EPRS1: variants seen among roughly 807,000 people sequenced by gnomAD.
EPRS1 encodes the protein glutamyl-prolyl-tRNA synthetase 1, also known as bifunctional glutamate/proline--tRNA ligase.
Under a neutral mutation model 188.3 loss-of-function variants are expected in EPRS1, and 107 were observed. That is an observed-to-expected ratio of 0.57 (90% CI 0.49 to 0.67). EPRS1 has a LOEUF of 0.67. Ranked by LOEUF, EPRS1 falls within the 30% of genes least tolerant of loss-of-function variation. The pLI is 0.00. For missense variants in EPRS1, 1,577 were observed against 1,802.2 expected (o/e 0.88, Z 2.26); for synonymous variants, 596 against 593.1 (o/e 1.00, Z -0.07).
At chr1:220,030,093 G>T (rs1335339207) in intron 6 of EPRS1, among the ~76,000 whole-genome samples, 2 of 152,102 alleles carry the variant, frequency 1.3e-5, no homozygotes, top group Non-Finnish European at 2.9e-5. Context: ...AAATAAAAAT[G>T]AAATTTAAGG....
chr1:220,010,808 CAAAAAAAA>C lies in EPRS1; in HGVS notation c.1605+130_1605+137del, dbSNP rs34170326. The C allele has an allele frequency of 2.5e-3, 1,022 of 411,804 alleles. 13 individuals carry two copies. The highest frequency in any genetic ancestry group is 0.022 in the African/African-American group (955 of 44,298). The allele number at this position is 411,804 out of a possible 1,614,324, so 25.5% of individuals were successfully genotyped here. On this transcript the variant is annotated intron_variant, in intron 13 of 31. Coordinates refer to ENST00000366923, the MANE Select transcript of EPRS1 (RefSeq NM_004446.3). The stretch of plus-strand genomic sequence containing the variant: ...CTGGAGACATAGCAAGACTACGTCT[CAAAAAAAA>C]AAAAAAAAAGAAAGAAAGAAAGAAA...
intron 12 of EPRS1, among the ~76,000 whole-genome samples, chr1:220,011,348 C>A (rs764897476): frequency 3.9e-5 from 6 of 152,098 alleles, no homozygotes; most frequent in Non-Finnish European, 8.8e-5. Flanking sequence ...ATTTTAAAAT[C>A]TGGTATTAGA....
intron 24 of EPRS1, 69 bp from the exon 25 acceptor site, chr1:219,980,926 G>GCAAGACCCTGTC: frequency 1.0e-6 from 1 of 969,128 alleles, no homozygotes; most frequent in Non-Finnish European, 1.6e-6. Flanking sequence ...TGGAGACAGG[G>GCAAGACCCTGTC]TCTTGCTCTG....
At position 220,040,182 on chromosome 1, in the gene EPRS1, T is replaced by TA; in HGVS notation, c.131+2dup. ...CTGAAAATAAAAAGATGAAAACACT[T>TA]ACTCAGAAACATGAAGAATATTCTC... is the stretch of plus-strand genomic sequence containing the variant. On this transcript the variant is annotated splice_region_variant and intron_variant, in intron 2 of 31. Coordinates refer to ENST00000366923, the MANE Select transcript of EPRS1 (RefSeq NM_004446.3). 2 of 1,579,510 alleles carry TA rather than the reference T, an allele frequency of 1.3e-6. No homozygotes were observed. Among genetic ancestry groups the TA allele is most frequent in the Non-Finnish European group, 1.7e-6 (2 of 1,153,582 alleles).
intron 12 of EPRS1, among the ~76,000 whole-genome samples, chr1:220,017,921 TAG>T (rs956587996): frequency 4.6e-5 from 7 of 152,268 alleles, no homozygotes; most frequent in African/African-American, 1.4e-4. Flanking sequence ...TGGGGTAGAA[TAG>T]AGTTATCCCA....
chr1:219,969,849 C>T (rs915644640), intron 30 of EPRS1, among the ~76,000 whole-genome samples: 4 of 152,072 alleles, frequency 2.6e-5, no homozygotes, highest in African/African-American at 9.7e-5. Flanking sequence ...GAGACACAGT[C>T]TTACTCTGTC....
intron 6 of EPRS1, among the ~76,000 whole-genome samples, chr1:220,028,899 TA>T (rs917040247): frequency 5.3e-5 from 8 of 151,890 alleles, no homozygotes; most frequent in Admixed American, 4.6e-4. Flanking sequence ...CTATGCATAG[TA>T]AAAAAAACTA....
In EPRS1 at chr1:219,978,962, ATATTTT is replaced by A. The variant is rs754519920; in HGVS notation, c.3910-249_3910-244del. 1.2e-4 allele frequency among the ~76,000 whole-genome samples: 5 copies of A among 42,350 alleles called. 1 individual carries two copies. In the South Asian group the frequency reaches 3.5e-3, roughly 29 times the overall value. 27.8% of individuals were successfully genotyped at this position (42,350 alleles called of 152,430 possible). A position where few individuals can be genotyped will look rare whatever the true frequency, so the allele number is the denominator to read the frequency against. On this transcript the variant is annotated intron_variant, in intron 27 of 31. Coordinates refer to ENST00000366923, the MANE Select transcript of EPRS1 (RefSeq NM_004446.3). ...TATGTGTGTGTATATATATATATAT[ATATTTT>A]TTTTTCCCCCCCAGCCTCCCAAGTA...
chr1:220,007,588 T>C (rs538945731), intron 13 of EPRS1, among the ~76,000 whole-genome samples: 1 of 152,352 alleles, frequency 6.6e-6, no homozygotes, highest in African/African-American at 2.4e-5. Context: ...TAGAAATCAA[T>C]AGTTTGAATT....
intron 28 of EPRS1, among the ~76,000 whole-genome samples, chr1:219,974,245 A>T (rs1173997859): frequency 1.3e-5 from 2 of 152,162 alleles, no homozygotes; most frequent in African/African-American, 4.8e-5. Flanking sequence ...TACTTGGCCA[A>T]GAGTTTGTAT....
At chr1:220,036,198 T>G (rs1662177857) in intron 2 of EPRS1, among the ~76,000 whole-genome samples, 2 of 152,044 alleles carry the variant, frequency 1.3e-5, no homozygotes, top group Non-Finnish European at 2.9e-5. Flanking sequence ...AGACTCCACC[T>G]CACAACAAAA....
At chr1:219,984,579 CTTA>C (rs1172642737) in intron 20 of EPRS1, among the ~76,000 whole-genome samples, 3 of 152,138 alleles carry the variant, frequency 2.0e-5, no homozygotes, top group Non-Finnish European at 4.4e-5. Flanking sequence ...CAACATCTGG[CTTA>C]TTTTTTTATT....
chr1:219,978,734 A>G lies in EPRS1; in HGVS notation c.3910-15T>C. On this transcript the variant is annotated splice_polypyrimidine_tract_variant and intron_variant, in intron 27 of 31. Coordinates refer to ENST00000366923, the MANE Select transcript of EPRS1 (RefSeq NM_004446.3). The stretch of plus-strand genomic sequence containing the variant: ...ATAATCACCACCTAGAATCAGCACA[A>G]TGTCCCAAATGTATGCAAAGAAACA... The G allele has an allele frequency of 6.3e-7, 1 of 1,592,234 alleles. No homozygotes were observed. The highest frequency in any genetic ancestry group is 8.6e-7 in the Non-Finnish European group (1 of 1,167,696).
At chr1:220,030,036 T>G (rs1662056448) in intron 6 of EPRS1, among the ~76,000 whole-genome samples, 1 of 152,170 alleles carries the variant, frequency 6.6e-6, no homozygotes, top group African/African-American at 2.4e-5. Flanking sequence ...AAAGGATTGC[T>G]CAGGGTACAA....
chr1:219,978,843 TTATA>T (rs1660830069), intron 27 of EPRS1, 124 bp from the exon 28 acceptor site: 2 of 649,572 alleles, frequency 3.1e-6, no homozygotes, highest in Non-Finnish European at 5.1e-6. Context: ...ATTTCTAATC[TTATA>T]TATAATGTCT....
intron 18 of EPRS1, among the ~76,000 whole-genome samples, chr1:219,990,237 G>C (rs1327342080): frequency 6.6e-6 from 1 of 151,800 alleles, no homozygotes; most frequent in Non-Finnish European, 1.5e-5. Flanking sequence ...ATAAAGCTAT[G>C]TATTCATATA....
At chr1:219,996,045 TATCTGATCA>T (rs1661225705) in intron 18 of EPRS1, among the ~76,000 whole-genome samples, 1 of 152,220 alleles carries the variant, frequency 6.6e-6, no homozygotes. Context: ...CAGTACTATT[TATCTGATCA>T]TGTCTTAAAC....
rs776564706 is a variant in EPRS1, at chr1:219,980,863, A to G, written c.3454-6T>C. 4.4e-6 allele frequency: 7 copies of G among 1,598,788 alleles called. No homozygotes were observed. The Admixed American group carries it at 1.2e-4, about 27-fold the overall frequency. ...GGATGCTTGAATTCCCAACGCTGGA[A>G]GAGGCAAGAAAACAATTTAGTCATT... is the stretch of plus-strand genomic sequence containing the variant. On this transcript the variant is annotated splice_region_variant and splice_polypyrimidine_tract_variant and intron_variant, in intron 24 of 31. Transcript: ENST00000366923.
rs149359255 is a variant in EPRS1, at chr1:220,032,372, GA to G, written c.528+14del. ...AAGTGTTTTTTTTTTTAAAAAAAAA[GA>G]AAAAAAGGCTTACCACTCGAGCTTT... On this transcript the variant is annotated intron_variant, in intron 5 of 31. Transcript: ENST00000366923. The G allele has an allele frequency of 7.1e-6, 11 of 1,550,968 alleles. No individual in the cohort carries two copies. The highest frequency in any genetic ancestry group is 1.4e-5 in the African/African-American group (1 of 69,470).
Sources: gnomAD v4.1 joint callset for allele counts (sites outside exome capture counted in the v4.1 genomes callset) on GRCh38, gnomAD v4.1.1 for gene constraint, MANE v1.5 for transcripts, NCBI Gene and HGNC (gene_info 2026-07-23, HGNC 2026-07-21) for gene names.